OTUD7A: variants seen among roughly 807,000 people sequenced by gnomAD.
OTUD7A encodes the protein OTU domain-containing protein 7A.
OTUD7A carries 12 observed loss-of-function variants against 65.7 expected under a neutral mutation model. The ratio of observed to expected loss-of-function variants is 0.18; its 90% confidence interval spans 0.12 to 0.30. The LOEUF (loss-of-function observed/expected upper bound fraction) is 0.30, where lower values mean the gene tolerates loss of function less well. OTUD7A is among the 10% of genes least tolerant of loss of function. The probability of loss-of-function intolerance (pLI) is 1.00; values close to 1 mark genes in which losing one functional copy is unlikely to be tolerated. For synonymous variants in OTUD7A, 641 were observed against 586.3 expected, an observed-to-expected ratio of 1.09 and a Z score of -1.35; for missense variants, 1,148 against 1,304.8, an observed-to-expected ratio of 0.88 and a Z score of 1.85.
chr15:31,709,458 C>A (rs918565074), intron 1 of OTUD7A, among the ~76,000 whole-genome samples: 1 of 152,192 alleles, frequency 6.6e-6, no homozygotes, highest in African/African-American at 2.4e-5. Flanking sequence ...TCCCCGGATA[C>A]ACTTGTGGCT....
chr15:31,638,635 A>C (rs1266822650), intron 3 of OTUD7A, among the ~76,000 whole-genome samples: 1 of 150,924 alleles, frequency 6.6e-6, no homozygotes, highest in East Asian at 1.9e-4. Context: ...GGCTCAAGCT[A>C]TCCGTCCTCC....
rs146941544 is a variant in OTUD7A at position 31,790,978 on chromosome 15, G to A, written c.-100+79529C>T. ...AGAAATAGTGGACTGGGAGGTGCAA[G>A]TCTTGAGTTTTAGTCCTGACCTACA... On this transcript the variant is annotated intron_variant, in intron 1 of 12. Coordinates refer to ENST00000307050, the MANE Select transcript of OTUD7A (RefSeq NM_001382637.1). Among the ~76,000 whole-genome samples the A allele has an allele frequency of 5.9e-5, 9 of 152,256 alleles. No homozygotes were observed. In the East Asian group the frequency reaches 1.5e-3, roughly 26 times the overall value.
chr15:31,802,101 ATATGTGTGTG>A lies in OTUD7A; in HGVS notation c.-100+68396_-100+68405del, dbSNP rs1414691797. ...TAATGGAATATATATGTGTGTGTAT[ATATGTGTGTG>A]TGTGTGTGTGTGTGTGTGTGTGTGT... On this transcript the variant is annotated intron_variant, in intron 1 of 12. Coordinates refer to ENST00000307050, the MANE Select transcript of OTUD7A (RefSeq NM_001382637.1). Among the ~76,000 whole-genome samples the A allele has an allele frequency of 7.7e-3, 1,085 of 140,940 alleles. 9 individuals are homozygous for A. Among genetic ancestry groups the A allele is most frequent in the Middle Eastern group, 0.014 (4 of 278 alleles). The allele number at this position is 140,940 out of a possible 152,430, so 92.5% of individuals were successfully genotyped here. A position where few individuals can be genotyped will look rare whatever the true frequency, so the allele number is the denominator to read the frequency against.
intron 4 of OTUD7A, among the ~76,000 whole-genome samples, chr15:31,563,279 G>T (rs1420523413): frequency 6.6e-6 from 1 of 152,222 alleles, no homozygotes; most frequent in Non-Finnish European, 1.5e-5. Context: ...CTGCCTGAAA[G>T]ATACCAGCAG....
intron 1 of OTUD7A, among the ~76,000 whole-genome samples, chr15:31,663,645 T>C (rs1243223629): frequency 6.6e-6 from 1 of 152,152 alleles, no homozygotes; most frequent in African/African-American, 2.4e-5. Context: ...TAGTATTCCA[T>C]GATGTATATG....
At chr15:31,680,216 A>C (rs779851255) in intron 1 of OTUD7A, among the ~76,000 whole-genome samples, 1 of 152,116 alleles carries the variant, frequency 6.6e-6, no homozygotes, top group Non-Finnish European at 1.5e-5. Flanking sequence ...AGCAGGGGGC[A>C]TTTTTTTAGT....
At chr15:31,577,832 A>C (rs116522687) in intron 3 of OTUD7A, among the ~76,000 whole-genome samples, 5,035 of 151,742 alleles carry the variant, frequency 0.033, 268 homozygotes, top group African/African-American at 0.12. Context: ...AAAAAAAAAA[A>C]AACAACACAG....
chr15:31,810,775 G>A (rs1352405988), intron 1 of OTUD7A, among the ~76,000 whole-genome samples: 2 of 152,206 alleles, frequency 1.3e-5, no homozygotes, highest in Non-Finnish European at 2.9e-5. Context: ...AACTGTTGGA[G>A]GCTAGGCACT....
At chr15:31,774,041 T>C (rs1490279680) in intron 1 of OTUD7A, among the ~76,000 whole-genome samples, 2 of 152,246 alleles carry the variant, frequency 1.3e-5, no homozygotes, top group African/African-American at 4.8e-5. Context: ...AAAACAAGGC[T>C]ATCTGAAGAC....
At chr15:31,797,995 C>T (rs554518817) in intron 1 of OTUD7A, among the ~76,000 whole-genome samples, 78 of 152,108 alleles carry the variant, frequency 5.1e-4, no homozygotes, top group Non-Finnish European at 1.1e-3. Flanking sequence ...GGGAGACACC[C>T]GCCTTTTCAC....
intron 4 of OTUD7A, among the ~76,000 whole-genome samples, chr15:31,564,222 A>G (rs998902414): frequency 6.6e-5 from 10 of 152,164 alleles, no homozygotes; most frequent in African/African-American, 1.7e-4. Flanking sequence ...GTGCAAGAAC[A>G]TGATGGAGGA....
intron 1 of OTUD7A, among the ~76,000 whole-genome samples, chr15:31,691,344 A>T (rs1892956930): frequency 2.0e-5 from 3 of 152,022 alleles, no homozygotes; most frequent in Admixed American, 2.0e-4. Context: ...TGATACTACC[A>T]ATCTATAGTA....
chr15:31,836,777 T>C (rs945792895), intron 1 of OTUD7A, among the ~76,000 whole-genome samples: 1 of 152,190 alleles, frequency 6.6e-6, no homozygotes, highest in Non-Finnish European at 1.5e-5. Context: ...AGAAAAAGCA[T>C]TTGGCAGATC....
intron 3 of OTUD7A, among the ~76,000 whole-genome samples, chr15:31,631,601 C>T (rs373202779): frequency 5.9e-5 from 9 of 152,010 alleles, no homozygotes; most frequent in African/African-American, 1.9e-4. Flanking sequence ...ATCTTTGTGG[C>T]GTTCTCTGTA....
chr15:31,575,474 G>A (rs138871555), intron 3 of OTUD7A, among the ~76,000 whole-genome samples: 253 of 152,268 alleles, frequency 1.7e-3, no homozygotes, highest in East Asian at 6.6e-3. Flanking sequence ...TACCTAGAGC[G>A]TACCATAAAC....
chr15:31,775,532 G>A (rs1895354055), intron 1 of OTUD7A, among the ~76,000 whole-genome samples: 1 of 152,212 alleles, frequency 6.6e-6, no homozygotes, highest in South Asian at 2.1e-4. Context: ...TAAAATTGAA[G>A]AGACTCATTG....
Position 31,481,623 on chromosome 15 carries a change from G to A in OTUD7A, c.*1671C>T, listed in dbSNP as rs1350391961. 3.3e-5 allele frequency: 5 copies of A among 151,986 alleles called. No individual in the cohort carries two copies. The highest frequency in any genetic ancestry group is 7.4e-5 in the Non-Finnish European group (5 of 68,000). 9.4% of individuals were successfully genotyped at this position (151,986 alleles called of 1,614,324 possible). On this transcript the variant is annotated 3_prime_UTR_variant, in exon 13 of 13. Transcript: ENST00000307050. ...TTAAGGAACCACTTATGCAAAACTT[G>A]AACAAATTACTGAAAACTCCACCTG...
chr15:31,532,889 G>A (rs559431997), intron 5 of OTUD7A, among the ~76,000 whole-genome samples: 5 of 147,728 alleles, frequency 3.4e-5, no homozygotes, highest in South Asian at 2.1e-4. Flanking sequence ...AGCCGAAATC[G>A]CGCCACTGCA....
chr15:31,587,815 A>C (rs925187901), intron 3 of OTUD7A, among the ~76,000 whole-genome samples: 2 of 151,716 alleles, frequency 1.3e-5, no homozygotes, highest in African/African-American at 2.4e-5. Context: ...GGCTCCAGCC[A>C]CTCTGACCTG....
Sources: gnomAD v4.1 joint callset for allele counts (sites outside exome capture counted in the v4.1 genomes callset) on GRCh38, gnomAD v4.1.1 for gene constraint, MANE v1.5 for transcripts, NCBI Gene and HGNC (gene_info 2026-07-23, HGNC 2026-07-21) for gene names.